CSMD1: variants seen among roughly 807,000 people sequenced by gnomAD.
The protein encoded by CSMD1 is CUB and sushi domain-containing protein 1.
In CSMD1, 213 loss-of-function variants were observed where a neutral mutation model predicts 417.5. The observed-to-expected ratio is 0.51, with a 90% CI of 0.46 to 0.57. The LOEUF (loss-of-function observed/expected upper bound fraction) is 0.57, where lower values mean the gene tolerates loss of function less well. CSMD1 is among the 20% of genes least tolerant of loss of function. The probability of loss-of-function intolerance (pLI) is 0.00; values close to 1 mark genes in which losing one functional copy is unlikely to be tolerated. For synonymous variants in CSMD1, 2,862 were observed against 1,736.8 expected, an observed-to-expected ratio of 1.65 and a Z score of -16.11; for missense variants, 6,923 against 4,529.7, an observed-to-expected ratio of 1.53 and a Z score of -15.17.
chr8:3,014,067 A>C (rs1177898250), intron 52 of CSMD1, among the ~76,000 whole-genome samples: 5 of 152,124 alleles, frequency 3.3e-5, no homozygotes, highest in Non-Finnish European at 5.9e-5. Context: ...CTCTGAGAAA[A>C]ATTTTACATT....
intron 10 of CSMD1, among the ~76,000 whole-genome samples, chr8:3,546,574 G>T (rs1353062048): frequency 6.6e-6 from 1 of 151,786 alleles, no homozygotes; most frequent in Non-Finnish European, 1.5e-5. Flanking sequence ...ACCATACATT[G>T]TTCTCCTCAC....
At chr8:3,566,724 T>G (rs1156576468) in intron 10 of CSMD1, among the ~76,000 whole-genome samples, 6 of 152,092 alleles carry the variant, frequency 3.9e-5, no homozygotes, top group Non-Finnish European at 8.8e-5. Context: ...AAAACCACAA[T>G]AAGATACCAT....
At chr8:4,192,761 C>T (rs962434348) in intron 3 of CSMD1, among the ~76,000 whole-genome samples, 3 of 152,134 alleles carry the variant, frequency 2.0e-5, no homozygotes, top group East Asian at 1.9e-4. Flanking sequence ...CTATCATTTC[C>T]ATTTTCAAGA....
intron 3 of CSMD1, among the ~76,000 whole-genome samples, chr8:4,118,908 G>T (rs955082266): frequency 5.9e-5 from 9 of 152,220 alleles, no homozygotes; most frequent in Admixed American, 1.3e-4. Context: ...ATACTATGCA[G>T]CCATTAAAAA....
At chr8:4,833,407 A>G (rs1218216084) in intron 1 of CSMD1, among the ~76,000 whole-genome samples, 1 of 152,182 alleles carries the variant, frequency 6.6e-6, no homozygotes, top group Admixed American at 6.5e-5. Flanking sequence ...TGTCATGAGA[A>G]CAGCAAGAGG....
At chr8:3,535,896 T>A (rs1282703977) in intron 10 of CSMD1, among the ~76,000 whole-genome samples, 1 of 151,992 alleles carries the variant, frequency 6.6e-6, no homozygotes, top group Non-Finnish European at 1.5e-5. Context: ...CCACTAAGCT[T>A]CCCCCTCCTG....
chr8:3,840,679 A>G (rs965549345), intron 5 of CSMD1, among the ~76,000 whole-genome samples: 4 of 149,260 alleles, frequency 2.7e-5, no homozygotes, highest in African/African-American at 4.9e-5. Flanking sequence ...CAGTGACCTC[A>G]ATTCTTTTTT....
At chr8:3,387,962 C>A (rs1811113982) in intron 17 of CSMD1, among the ~76,000 whole-genome samples, 1 of 152,154 alleles carries the variant, frequency 6.6e-6, no homozygotes, top group African/African-American at 2.4e-5. Flanking sequence ...TACTTTTCTT[C>A]TTGGAAAATC....
At chr8:3,347,887 A>C in intron 22 of CSMD1, 105 bp downstream of exon 22, 1 of 662,474 alleles carries the variant, frequency 1.5e-6, no homozygotes, top group Non-Finnish European at 2.4e-6. Context: ...ATATATAAAA[A>C]TATATGTTAA....
intron 3 of CSMD1, among the ~76,000 whole-genome samples, chr8:4,153,230 C>T (rs1376430773): frequency 6.6e-6 from 1 of 152,198 alleles, no homozygotes; most frequent in South Asian, 2.1e-4. Flanking sequence ...CCAAGGGGAG[C>T]TGGAGAGTAT....
At chr8:2,966,383 A>AT (rs1803957913) in intron 58 of CSMD1, among the ~76,000 whole-genome samples, 187 bp downstream of exon 58, 1 of 152,186 alleles carries the variant, frequency 6.6e-6, no homozygotes, top group Non-Finnish European at 1.5e-5. Flanking sequence ...AGCCATACGA[A>AT]TAAGCAACTG....
intron 5 of CSMD1, among the ~76,000 whole-genome samples, chr8:3,953,392 G>A (rs867659480): frequency 6.6e-6 from 1 of 152,102 alleles, no homozygotes; most frequent in African/African-American, 2.4e-5. Context: ...TATATACTTA[G>A]ATATTCATGT....
At chr8:4,348,297 G>A (rs1800892420) in intron 3 of CSMD1, among the ~76,000 whole-genome samples, 1 of 152,094 alleles carries the variant, frequency 6.6e-6, no homozygotes, top group Non-Finnish European at 1.5e-5. Context: ...GCAAAGGCAT[G>A]TTCTGTGGAT....
intron 3 of CSMD1, among the ~76,000 whole-genome samples, chr8:4,286,156 C>A (rs922632178): frequency 1.3e-5 from 2 of 151,944 alleles, no homozygotes; most frequent in Non-Finnish European, 2.9e-5. Flanking sequence ...CTTTCTGGTA[C>A]CATAAACAAA....
intron 6 of CSMD1, among the ~76,000 whole-genome samples, chr8:3,736,231 G>C (rs957114721): frequency 6.6e-6 from 1 of 151,944 alleles, no homozygotes; most frequent in Admixed American, 6.6e-5. Flanking sequence ...GTGTGTGTGT[G>C]TATTTTTTTG....
At position 3,803,266 on chromosome 8, in the gene CSMD1, G is replaced by C. The variant is rs373556963; in HGVS notation, c.819-49224C>G. ...TGCTTGGCATAAAGTCAGGAACACGGGTTCTCATTGCATAAAGTTGACGGT... is the reference window on the plus strand; with the variant it reads ...TGCTTGGCATAAAGTCAGGAACACGCGTTCTCATTGCATAAAGTTGACGGT... On this transcript the variant is annotated intron_variant, in intron 5 of 69. Coordinates refer to ENST00000635120, the MANE Select transcript of CSMD1 (RefSeq NM_033225.6). Among the ~76,000 whole-genome samples the C allele has an allele frequency of 5.3e-5, 8 of 151,924 alleles. 1 individual carries two copies. Among genetic ancestry groups the C allele is most frequent in the African/African-American group, 1.7e-4 (7 of 41,244 alleles).
At chr8:4,017,490 G>C (rs778200410) in intron 4 of CSMD1, among the ~76,000 whole-genome samples, 6 of 152,000 alleles carry the variant, frequency 3.9e-5, no homozygotes, top group Non-Finnish European at 8.8e-5. Context: ...TTTTTTAGTA[G>C]AGACGGGGTT....
chr8:3,930,004 T>A (rs1031599493), intron 5 of CSMD1, among the ~76,000 whole-genome samples: 1 of 150,446 alleles, frequency 6.6e-6, no homozygotes, highest in Non-Finnish European at 1.5e-5. Flanking sequence ...TTATTGTTAA[T>A]GCAAGGTTTT....
rs757141282 is a variant in CSMD1 at position 3,399,471 on chromosome 8, T to G, written c.2325A>C (p.Pro775=). 7.5e-6 allele frequency: 12 copies of G among 1,610,150 alleles called. No homozygotes were observed. Among genetic ancestry groups the G allele is most frequent in the Admixed American group, 6.7e-5 (4 of 59,504 alleles). The part of the protein sequence containing the change: ...SSGVILPPGW[P]GYYKDSLHCE... ...AATGTAAAGAATCCTTATAATATCC[T>G]GGCCATCCAGGAGGCAAAATGACTC... is the stretch of plus-strand genomic sequence containing the variant. The change falls in exon 16 of 70, where the codon CCA becomes CCC. Residue 775 remains proline, a synonymous_variant. Coordinates refer to ENST00000635120, the MANE Select transcript of CSMD1 (RefSeq NM_033225.6).
Sources: allele counts gnomAD v4.1 joint callset (sites outside exome capture counted in the v4.1 genomes callset), GRCh38; gene constraint gnomAD v4.1.1; transcripts MANE v1.5; gene names NCBI Gene and HGNC (gene_info 2026-07-23, HGNC 2026-07-21).